The following TENM2 variants were observed in gnomAD, a reference collection of about 807,000 sequenced individuals.
The protein encoded by TENM2 is teneurin-2.
Under a neutral mutation model 245.2 loss-of-function variants are expected in TENM2, and 52 were observed. The observed-to-expected ratio is 0.21, with a 90% CI of 0.17 to 0.27. TENM2 has a LOEUF of 0.27. Among genes scored for constraint, TENM2 ranks in the 10% least tolerant of loss-of-function variants. The pLI is 1.00. For synonymous variants in TENM2, 1,363 were observed against 1,438.9 expected (o/e 0.95, Z 1.19); for missense variants, 3,046 against 3,666.8 (o/e 0.83, Z 4.37).
chr5:167,992,610 G>C (rs531001196), intron 4 of TENM2, among the ~76,000 whole-genome samples: 1 of 152,264 alleles, frequency 6.6e-6, no homozygotes, highest in South Asian at 2.1e-4. Flanking sequence ...TTAAAAAATA[G>C]TAGGTATCTA....
chr5:168,036,479 T>C lies in TENM2; in HGVS notation c.1187-10948T>C, dbSNP rs368957532. On this transcript the variant is annotated intron_variant, in intron 5 of 28. Coordinates refer to ENST00000518659, the Ensembl canonical transcript of TENM2. ...GGTGAAACCCCATCTCTACTAAAAATACAAAAATTAGCTGGGCATGGTGGT... is the reference window on the plus strand; with the variant it reads ...GGTGAAACCCCATCTCTACTAAAAACACAAAAATTAGCTGGGCATGGTGGT... 1.8e-4 allele frequency among the ~76,000 whole-genome samples: 28 copies of C among 151,518 alleles called. No homozygotes were observed. In the East Asian group the frequency reaches 4.3e-3, roughly 23 times the overall value.
intron 2 of TENM2, among the ~76,000 whole-genome samples, chr5:167,656,781 T>A (rs914609556): frequency 2.6e-5 from 4 of 152,098 alleles, no homozygotes; most frequent in African/African-American, 9.7e-5. Flanking sequence ...CAACAGCCCT[T>A]TCCTTTAATA....
rs117380456 is a variant in TENM2 at position 167,819,089 on chromosome 5, C to T, written c.503-56897C>T. Among the ~76,000 whole-genome samples, 649 of 151,540 alleles carry T rather than the reference C, an allele frequency of 4.3e-3. 12 individuals are homozygous for T. In the East Asian group the frequency reaches 0.053, roughly 12 times the overall value. On this transcript the variant is annotated intron_variant, in intron 2 of 28. Coordinates refer to ENST00000518659, the Ensembl canonical transcript of TENM2. ...GTGTGTGTGTGTGTGTGTGTGCGTG[C>T]GCGTTCTCTAATGCTACTCTTCATT...
intron 9 of TENM2, among the ~76,000 whole-genome samples, chr5:168,110,945 G>T (rs1478174621): frequency 6.6e-6 from 1 of 152,130 alleles, no homozygotes; most frequent in East Asian, 1.9e-4. Flanking sequence ...AGTCTCTTGC[G>T]ATCTTCGTTA....
In TENM2 at chr5:167,606,629, C is replaced by G. The variant is rs566869368; in HGVS notation, c.502+231156C>G. Among the ~76,000 whole-genome samples, 92 of 152,144 alleles carry G rather than the reference C, an allele frequency of 6.0e-4. 3 individuals are homozygous for G. The South Asian group carries it at 0.019, about 31-fold the overall frequency. ...ATGCTAAGAGGGTAGTTCCCAACCC[C>G]GACTACACATTAGAGTCATTTGGGA... On this transcript the variant is annotated intron_variant, in intron 2 of 28. Transcript: ENST00000518659.
At chr5:167,312,921 T>A (rs78430361) in intron 1 of TENM2, among the ~76,000 whole-genome samples, 2 of 146,580 alleles carry the variant, frequency 1.4e-5, no homozygotes, top group Admixed American at 6.8e-5. Flanking sequence ...TTTTTTTTTT[T>A]AAATGGAGCC....
At chr5:167,162,742 C>T in the TENM2 span, among the ~76,000 whole-genome samples, 1 of 151,914 alleles carries the variant, frequency 6.6e-6, no homozygotes, top group Non-Finnish European at 1.5e-5. Context: ...ATTTCCAGAA[C>T]CCTGATACTC....
chr5:167,171,813 A>T, the TENM2 span, among the ~76,000 whole-genome samples: 4 of 152,204 alleles, frequency 2.6e-5, no homozygotes, highest in African/African-American at 9.6e-5. Context: ...GGCTGAATCA[A>T]TAAGATTCCA....
chr5:167,858,196 T>C (rs1200995454), intron 2 of TENM2, among the ~76,000 whole-genome samples: 1 of 152,250 alleles, frequency 6.6e-6, no homozygotes, highest in Non-Finnish European at 1.5e-5. Context: ...ATGTCAGAAC[T>C]GCAGAGACTG....
At chr5:168,005,541 C>A (rs1435483872) in intron 5 of TENM2, among the ~76,000 whole-genome samples, 3 of 152,184 alleles carry the variant, frequency 2.0e-5, no homozygotes, top group African/African-American at 7.2e-5. Flanking sequence ...AAAAAACCAG[C>A]TGATTGAGAA....
At chr5:167,513,669 T>G (rs1476119576) in intron 2 of TENM2, among the ~76,000 whole-genome samples, 1 of 152,188 alleles carries the variant, frequency 6.6e-6, no homozygotes, top group Non-Finnish European at 1.5e-5. Context: ...TCTAATGAAG[T>G]GCACTTATTC....
At chr5:167,042,055 T>A in the TENM2 span, among the ~76,000 whole-genome samples, 1 of 152,152 alleles carries the variant, frequency 6.6e-6, no homozygotes, top group African/African-American at 2.4e-5. Context: ...GGAGAATGAA[T>A]TCATCTTTAT....
chr5:167,249,077 T>C, the TENM2 span, among the ~76,000 whole-genome samples: 3 of 152,166 alleles, frequency 2.0e-5, no homozygotes, highest in African/African-American at 7.2e-5. Context: ...CTTGGCAAGA[T>C]GACAGTGGGA....
intron 3 of TENM2, among the ~76,000 whole-genome samples, chr5:167,893,175 G>A (rs187732175): frequency 1.3e-5 from 2 of 152,212 alleles, no homozygotes; most frequent in East Asian, 3.9e-4. Flanking sequence ...GATAAATAAG[G>A]GAAATTTCAG....
At chr5:167,678,579 C>A (rs1756492356) in intron 2 of TENM2, among the ~76,000 whole-genome samples, 1 of 152,128 alleles carries the variant, frequency 6.6e-6, no homozygotes, top group Non-Finnish European at 1.5e-5. Context: ...CCAGCCCCAG[C>A]CACCCATTAG....
At chr5:167,161,472 C>T in the TENM2 span, among the ~76,000 whole-genome samples, 1 of 151,632 alleles carries the variant, frequency 6.6e-6, no homozygotes, top group South Asian at 2.1e-4. Context: ...GTTAGAAAGC[C>T]GAAGTTAAAG....
the TENM2 span, among the ~76,000 whole-genome samples, chr5:167,052,222 A>G: frequency 6.6e-6 from 1 of 152,186 alleles, no homozygotes; most frequent in Non-Finnish European, 1.5e-5. Flanking sequence ...CCTCAATAAT[A>G]TAATTGCACT....
At chr5:167,092,099 G>T in the TENM2 span, among the ~76,000 whole-genome samples, 1 of 152,068 alleles carries the variant, frequency 6.6e-6, no homozygotes, top group Non-Finnish European at 1.5e-5. Context: ...CAGCCTGTAG[G>T]CCAGATTTGT....
In TENM2 at chr5:168,079,436, T is replaced by C. The variant is rs536359075; in HGVS notation, c.1516-11138T>C. ...ATGCCCTTTATTTCCTTCTCCTGCC[T>C]GATTGCCCTGGCCAGAACTTCCAAC... On this transcript the variant is annotated intron_variant, in intron 7 of 28. Transcript: ENST00000518659. Among the ~76,000 whole-genome samples, 1,040 of 152,314 alleles carry C rather than the reference T, an allele frequency of 6.8e-3. 9 individuals carry two copies. The highest frequency in any genetic ancestry group is 0.024 in the African/African-American group (994 of 41,572).
Sources: gnomAD v4.1 joint callset for allele counts (sites outside exome capture counted in the v4.1 genomes callset) on GRCh38, gnomAD v4.1.1 for gene constraint, MANE v1.5 for transcripts, NCBI Gene and HGNC (gene_info 2026-07-23, HGNC 2026-07-21) for gene names.